SUMF1: variants seen among roughly 807,000 people sequenced by gnomAD.
SUMF1 encodes formylglycine-generating enzyme.
A neutral mutation model predicts 47.6 loss-of-function variants in SUMF1; 48 were observed. The ratio of observed to expected loss-of-function variants is 1.01; its 90% CI spans 0.80 to 1.28. The LOEUF (loss-of-function observed/expected upper bound fraction) is 1.28, where lower values mean the gene tolerates loss of function less well. SUMF1 is among the 50% of genes most tolerant of loss of function. The pLI is 0.00. For missense variants in SUMF1, 571 were observed against 485.4 expected (o/e 1.18, Z -1.66); for synonymous variants, 230 against 192.1 (o/e 1.20, Z -1.63).
intron 8 of SUMF1, among the ~76,000 whole-genome samples, chr3:4,101,094 A>T (rs1433365428): frequency 6.6e-6 from 1 of 152,088 alleles, no homozygotes; most frequent in Non-Finnish European, 1.5e-5. Flanking sequence ...GGATCTTCAT[A>T]ATACTAAAAA....
intron 8 of SUMF1, among the ~76,000 whole-genome samples, chr3:4,267,041 A>G (rs1697210178): frequency 6.6e-6 from 1 of 152,172 alleles, no homozygotes; most frequent in Non-Finnish European, 1.5e-5. Flanking sequence ...TGATTTGTGC[A>G]TATTGAACCA....
chr3:4,126,438 T>A (rs1693656056), intron 8 of SUMF1, among the ~76,000 whole-genome samples: 1 of 152,152 alleles, frequency 6.6e-6, no homozygotes, highest in African/African-American at 2.4e-5. Context: ...TAGAATTTTG[T>A]TCATCTTGTC....
At chr3:4,271,504 TA>T (rs1559637626) in intron 8 of SUMF1, among the ~76,000 whole-genome samples, 1 of 151,248 alleles carries the variant, frequency 6.6e-6, no homozygotes, top group Non-Finnish European at 1.5e-5. Flanking sequence ...GATAGATAGA[TA>T]GATAGATAGA....
At chr3:4,363,463 G>T (rs1401352835) in intron 8 of SUMF1, among the ~76,000 whole-genome samples, 3 of 151,594 alleles carry the variant, frequency 2.0e-5, no homozygotes, top group Non-Finnish European at 2.9e-5. Flanking sequence ...GGATTCCTAG[G>T]TATTTTATTC....
chr3:4,456,307 C>T (rs1376259581), intron 1 of SUMF1, among the ~76,000 whole-genome samples: 2 of 151,928 alleles, frequency 1.3e-5, no homozygotes, highest in Non-Finnish European at 2.9e-5. Flanking sequence ...CAGAACAAGC[C>T]AAGGATGCAT....
chr3:4,212,385 C>T (rs866989435), intron 8 of SUMF1, among the ~76,000 whole-genome samples: 9 of 151,858 alleles, frequency 5.9e-5, no homozygotes, highest in South Asian at 4.1e-4. Context: ...AATAGCACGT[C>T]CACTCAAAGA....
intron 8 of SUMF1, among the ~76,000 whole-genome samples, chr3:4,122,469 G>T (rs139154612): frequency 0.011 from 1,603 of 152,172 alleles, 19 homozygotes; most frequent in Middle Eastern, 0.027. Context: ...AATGTTTTGG[G>T]ACCAGATAGA....
intron 9 of SUMF1, among the ~76,000 whole-genome samples, chr3:4,039,152 C>T (rs1694861127): frequency 1.4e-5 from 2 of 140,804 alleles, no homozygotes; most frequent in Admixed American, 7.3e-5. Flanking sequence ...TATCATAATC[C>T]ATATCCTAAA....
rs113489329 is a variant in SUMF1 at position 4,244,555 on chromosome 3, C to A, written c.1014+131775G>T. ...GATATGAAATTCTGGGTTGAAAATT[C>A]TTTTCTTTAAGAATATTGAATACTG... On this transcript the variant is annotated intron_variant and NMD_transcript_variant, in intron 8 of 12. Coordinates refer to the SUMF1 transcript ENST00000448413. Among the ~76,000 whole-genome samples, 7 of 152,260 alleles carry A rather than the reference C, an allele frequency of 4.6e-5. No individual in the cohort carries two copies. In the East Asian group the frequency reaches 1.2e-3, roughly 25 times the overall value.
At chr3:4,442,284 C>T (rs1335909570) in intron 3 of SUMF1, among the ~76,000 whole-genome samples, 1 of 146,270 alleles carries the variant, frequency 6.8e-6, no homozygotes. Context: ...GAGACGGAGT[C>T]TCGCTCTGTC....
intron 9 of SUMF1, among the ~76,000 whole-genome samples, chr3:4,038,625 TG>T (rs2125015658): frequency 1.3e-5 from 2 of 152,228 alleles, no homozygotes; most frequent in South Asian, 4.1e-4. Context: ...AAGGGCTCAC[TG>T]GGAAGAGAGA....
intron 7 of SUMF1, 50 bp downstream of exon 7, chr3:4,410,815 G>A: frequency 6.5e-7 from 1 of 1,531,382 alleles, no homozygotes; most frequent in Non-Finnish European, 9.1e-7. Flanking sequence ...AGACTGCCCA[G>A]AGGACAGATG....
chr3:4,316,624 C>T, intron 8 of SUMF1: 1 of 1,551,234 alleles, frequency 6.4e-7, no homozygotes, highest in Non-Finnish European at 8.7e-7. Context: ...GTGTCATCTT[C>T]TCTTATTCTA....
At chr3:4,455,303 A>G (rs527244312) in intron 1 of SUMF1, among the ~76,000 whole-genome samples, 1 of 152,222 alleles carries the variant, frequency 6.6e-6, no homozygotes, top group Non-Finnish European at 1.5e-5. Flanking sequence ...ATATCTACAA[A>G]TTTGATAACC....
intron 9 of SUMF1, among the ~76,000 whole-genome samples, chr3:4,049,137 G>C (rs1695059226): frequency 6.6e-6 from 1 of 152,156 alleles, no homozygotes; most frequent in Non-Finnish European, 1.5e-5. Context: ...TAAAGAAAAG[G>C]TTTGTTTCTC....
intron 8 of SUMF1, among the ~76,000 whole-genome samples, chr3:4,195,484 C>G (rs113205994): frequency 1.2e-3 from 177 of 152,194 alleles, no homozygotes; most frequent in African/African-American, 3.9e-3. Flanking sequence ...AAATATTGTC[C>G]TAAAAAATCC....
chr3:4,180,265 T>C (rs570127317), intron 8 of SUMF1, among the ~76,000 whole-genome samples: 16 of 152,166 alleles, frequency 1.1e-4, no homozygotes, highest in Non-Finnish European at 1.6e-4. Context: ...TGCGGCACTA[T>C]TCACAATAGC....
At chr3:4,214,849 G>T (rs912665694) in intron 8 of SUMF1, among the ~76,000 whole-genome samples, 3 of 152,020 alleles carry the variant, frequency 2.0e-5, no homozygotes, top group Admixed American at 2.0e-4. Context: ...AAACCAGGAA[G>T]ACATCAAATC....
At chr3:4,231,327 T>G (rs1313885947) in intron 8 of SUMF1, among the ~76,000 whole-genome samples, 1 of 152,068 alleles carries the variant, frequency 6.6e-6, no homozygotes, top group African/African-American at 2.4e-5. Flanking sequence ...CATAAATGAT[T>G]TTTCAGGCCC....
Sources: gnomAD v4.1 joint callset for allele counts (sites outside exome capture counted in the v4.1 genomes callset) on GRCh38, gnomAD v4.1.1 for gene constraint, MANE v1.5 for transcripts, NCBI Gene and HGNC (gene_info 2026-07-23, HGNC 2026-07-21) for gene names.